Variants in KIAA1217 observed in about 807,000 individuals in gnomAD.
KIAA1217 encodes the protein KIAA1217.
In KIAA1217, 88 loss-of-function variants were observed where a neutral mutation model predicts 163.9. The ratio of observed to expected loss-of-function variants is 0.54; its 90% CI spans 0.45 to 0.64. The LOEUF is 0.64. Ranked by LOEUF, KIAA1217 falls within the 30% of genes least tolerant of loss-of-function variation. The probability of loss-of-function intolerance (pLI) is 0.00; values close to 1 mark genes in which losing one functional copy is unlikely to be tolerated. For missense variants in KIAA1217, 2,372 were observed against 2,475.0 expected (o/e 0.96, Z 0.88); for synonymous variants, 903 against 923.1 (o/e 0.98, Z 0.39).
intron 1 of KIAA1217, among the ~76,000 whole-genome samples, chr10:23,767,311 A>G (rs1055088990): frequency 3.3e-5 from 5 of 152,220 alleles, no homozygotes; most frequent in Non-Finnish European, 7.3e-5. Context: ...GTGATCAGCT[A>G]TGCATGTAGA....
intron 1 of KIAA1217, among the ~76,000 whole-genome samples, chr10:23,853,242 A>G (rs976476712): frequency 1.4e-4 from 21 of 152,278 alleles, no homozygotes; most frequent in African/African-American, 4.6e-4. Flanking sequence ...GAATTTTGTC[A>G]AAGGCCTTTT....
At chr10:24,333,182 A>G (rs1017225450) in intron 2 of KIAA1217, among the ~76,000 whole-genome samples, 49 of 152,150 alleles carry the variant, frequency 3.2e-4, no homozygotes, top group African/African-American at 1.1e-3. Flanking sequence ...CCACCACCAC[A>G]GCCAGCTAAT....
intron 1 of KIAA1217, among the ~76,000 whole-genome samples, chr10:23,985,413 C>A (rs1473193218): frequency 6.6e-6 from 1 of 152,168 alleles, no homozygotes; most frequent in Non-Finnish European, 1.5e-5. Context: ...AACCTTTTGC[C>A]TCAAAAGCTT....
chr10:23,820,499 A>G (rs909151142), intron 1 of KIAA1217, among the ~76,000 whole-genome samples: 1 of 152,234 alleles, frequency 6.6e-6, no homozygotes, highest in South Asian at 2.1e-4. Context: ...TGTTCACTGA[A>G]TACCCACGTA....
intron 1 of KIAA1217, among the ~76,000 whole-genome samples, chr10:23,800,025 A>G (rs1359236836): frequency 6.6e-6 from 1 of 152,092 alleles, no homozygotes. Context: ...TTGCTTTGAA[A>G]CTGTCACCAC....
intron 2 of KIAA1217, among the ~76,000 whole-genome samples, chr10:24,288,071 C>A (rs553868497): frequency 6.6e-6 from 1 of 152,032 alleles, no homozygotes; most frequent in African/African-American, 2.4e-5. Context: ...TTATTTTCAT[C>A]GGGAAAGTAC....
intron 2 of KIAA1217, among the ~76,000 whole-genome samples, chr10:24,284,355 A>T (rs1382677104): frequency 6.6e-6 from 1 of 152,110 alleles, no homozygotes; most frequent in African/African-American, 2.4e-5. Context: ...CTCAATAGGA[A>T]GTTTTTCAGT....
intron 2 of KIAA1217, among the ~76,000 whole-genome samples, chr10:24,285,832 C>T (rs1474037509): frequency 2.6e-5 from 4 of 152,148 alleles, no homozygotes; most frequent in Admixed American, 6.6e-5. Context: ...AATCCATGAG[C>T]ATGGAATGTT....
Position 23,919,606 on chromosome 10 carries a change from T to TAAAAAA in KIAA1217, c.-320-87599_-320-87594dup, listed in dbSNP as rs66850484. On this transcript the variant is annotated intron_variant, in intron 1 of 18. Transcript: ENST00000376462. ...GGGCGACAAAGCAAGACTCCTTCTC[T>TAAAAAA]AAAAAAAAAAAAAAAAAAAAAAAAA... Among the ~76,000 whole-genome samples the TAAAAAA allele has an allele frequency of 1.6e-4, 12 of 76,712 alleles. 1 individual carries two copies. In the South Asian group the frequency reaches 5.9e-3, roughly 38 times the overall value. The allele number at this position is 76,712 out of a possible 152,430, so 50.3% of individuals were successfully genotyped here.
At chr10:24,402,547 A>G (rs2056709252) in intron 3 of KIAA1217, among the ~76,000 whole-genome samples, 2 of 150,994 alleles carry the variant, frequency 1.3e-5, no homozygotes, top group African/African-American at 4.9e-5. Context: ...AAAAAAGGCA[A>G]AGGAGTTTGA....
intron 5 of KIAA1217, among the ~76,000 whole-genome samples, chr10:24,453,156 C>T (rs1592066731): frequency 6.6e-6 from 1 of 152,192 alleles, no homozygotes; most frequent in Non-Finnish European, 1.5e-5. Flanking sequence ...AGACCAGACC[C>T]TTGTCTCTAT....
At chr10:24,339,238 A>G (rs1468002734) in intron 2 of KIAA1217, among the ~76,000 whole-genome samples, 5 of 152,090 alleles carry the variant, frequency 3.3e-5, no homozygotes, top group African/African-American at 1.2e-4. Flanking sequence ...CACAGAAAAT[A>G]TGTTTCTATT....
intron 2 of KIAA1217, among the ~76,000 whole-genome samples, chr10:24,334,441 AAGGAAG>A (rs2046081874): frequency 2.1e-5 from 1 of 46,812 alleles, no homozygotes; most frequent in African/African-American, 5.0e-5. Context: ...GGAAGGATGG[AAGGAAG>A]GAAGGAAGGA....
intron 2 of KIAA1217, among the ~76,000 whole-genome samples, chr10:24,352,262 T>C (rs1156874530): frequency 6.6e-6 from 1 of 152,162 alleles, no homozygotes; most frequent in African/African-American, 2.4e-5. Context: ...AATGGGGAGG[T>C]GGGGTGACTC....
intron 5 of KIAA1217, chr10:24,466,910 G>A (rs1441078182): frequency 2.2e-6 from 1 of 461,634 alleles, no homozygotes; most frequent in East Asian, 1.5e-4. Context: ...AGACTTGGAA[G>A]GGTGGGGTTT....
chr10:24,392,260 A>G (rs887883070), intron 3 of KIAA1217, among the ~76,000 whole-genome samples: 1 of 152,204 alleles, frequency 6.6e-6, no homozygotes, highest in Non-Finnish European at 1.5e-5. Context: ...AAAAAGTTTT[A>G]AGGCATTATC....
intron 2 of KIAA1217, among the ~76,000 whole-genome samples, chr10:24,173,113 C>T (rs2065708816): frequency 6.6e-6 from 1 of 152,150 alleles, no homozygotes; most frequent in East Asian, 1.9e-4. Context: ...CTCGCATTAC[C>T]TCCTGAGCTC....
At chr10:24,201,133 TG>T (rs2067235420) in intron 2 of KIAA1217, among the ~76,000 whole-genome samples, 1 of 151,930 alleles carries the variant, frequency 6.6e-6, no homozygotes, top group Non-Finnish European at 1.5e-5. Context: ...TAGCCAGACG[TG>T]GCGGCACGCA....
chr10:23,825,374 C>T (rs75490280), intron 1 of KIAA1217, among the ~76,000 whole-genome samples: 2,042 of 152,288 alleles, frequency 0.013, 47 homozygotes, highest in African/African-American at 0.046. Context: ...CTTATCTTTG[C>T]ATCCTCTTTA....
Sources: allele counts gnomAD v4.1 joint callset (sites outside exome capture counted in the v4.1 genomes callset), GRCh38; gene constraint gnomAD v4.1.1; transcripts MANE v1.5; gene names NCBI Gene and HGNC (gene_info 2026-07-23, HGNC 2026-07-21).